Variants in HMCN2 observed in about 807,000 individuals in gnomAD.
HMCN2 encodes hemicentin 2.
In HMCN2, 325 loss-of-function variants were observed where a neutral mutation model predicts 377.5. That is an observed-to-expected ratio of 0.86 (90% CI 0.79 to 0.94). The LOEUF is 0.94. Among genes scored for constraint, HMCN2 ranks in the 40% least tolerant of loss-of-function variants. The pLI is 0.00. For synonymous variants in HMCN2, 2,007 were observed against 2,046.8 expected (o/e 0.98, Z 0.53); for missense variants, 4,543 against 4,725.3 (o/e 0.96, Z 1.13).
At position 130,393,373 on chromosome 9, in the gene HMCN2, G is replaced by T; in HGVS notation, c.10234+64G>T. 2 of 957,328 alleles carry T rather than the reference G, an allele frequency of 2.1e-6. No individual in the cohort carries two copies. The highest frequency in any genetic ancestry group is 9.5e-5 in the South Asian group (2 of 21,110). 59.3% of individuals were successfully genotyped at this position (957,328 alleles called of 1,614,324 possible). A position where few individuals can be genotyped will look rare whatever the true frequency, so the allele number is the denominator to read the frequency against. On this transcript the variant is annotated intron_variant, in intron 67 of 97. Coordinates refer to ENST00000683500, the MANE Select transcript of HMCN2 (RefSeq NM_001291815.2). This position sits in a 1 kb window ranked among gnomAD's most constrained non-coding sequence, Gnocchi z 5.2. ...TGGTGGGTGAGAATCAAGGCCCTTG[G>T]CCCCCCTGCCCTTCTGGGTGGAACC...
chr9:130,300,601 A>C (rs1222604622), intron 8 of HMCN2, among the ~76,000 whole-genome samples: 4 of 152,184 alleles, frequency 2.6e-5, no homozygotes, highest in Non-Finnish European at 5.9e-5. Flanking sequence ...TGCACACAAC[A>C]AGACAGCATT....
chr9:130,330,968 A>AACACACACACAC (rs1173053980), intron 22 of HMCN2, among the ~76,000 whole-genome samples: 4,581 of 131,404 alleles, frequency 0.035, 113 homozygotes, highest in Middle Eastern at 0.049. Context: ...TCTCTACTGA[A>AACACACACACAC]ACACACACAC....
intron 15 of HMCN2, among the ~76,000 whole-genome samples, chr9:130,312,157 G>A (rs1344465904): frequency 6.6e-6 from 1 of 152,180 alleles, no homozygotes; most frequent in Non-Finnish European, 1.5e-5. Context: ...GCGAGTGGCA[G>A]AGGTGGGATC....
rs1840158300 is a variant in HMCN2, at chr9:130,358,289, C to T, written c.5581-101C>T. On this transcript the variant is annotated intron_variant, in intron 35 of 97. Transcript: ENST00000683500. ...CAGAGCCAAAAGTGTCCCCATGCCT[C>T]ACTGCTCCTGCCCCCGGGCTCGGCA... is the stretch of plus-strand genomic sequence containing the variant. 42 of 1,275,592 alleles carry T rather than the reference C, an allele frequency of 3.3e-5. No individual in the cohort carries two copies. In the South Asian group the frequency reaches 5.0e-4, roughly 15 times the overall value. The allele number at this position is 1,275,592 out of a possible 1,614,324, so 79.0% of individuals were successfully genotyped here.
chr9:130,365,267 C>G (rs955972801), intron 41 of HMCN2, among the ~76,000 whole-genome samples: 10 of 152,274 alleles, frequency 6.6e-5, no homozygotes, highest in African/African-American at 1.9e-4. Context: ...ACCCCACCAG[C>G]CTCATTCCTC....
intron 1 of HMCN2, among the ~76,000 whole-genome samples, chr9:130,282,953 C>T (rs922532872): frequency 2.0e-5 from 3 of 152,132 alleles, no homozygotes; most frequent in Non-Finnish European, 4.4e-5. Context: ...TGACTGTGGT[C>T]CCAGCTACTC....
intron 4 of HMCN2, among the ~76,000 whole-genome samples, chr9:130,293,303 G>GTTTTTTTT (rs1588186458): frequency 3.2e-4 from 25 of 77,258 alleles, no homozygotes; most frequent in Admixed American, 1.0e-3. Context: ...TTTTTTTTGC[G>GTTTTTTTT]GTTCTTGTTG....
At chr9:130,385,795 G>C (rs1163462938) in intron 60 of HMCN2, 33 bp downstream of exon 60, 1 of 1,288,726 alleles carries the variant, frequency 7.8e-7, no homozygotes, top group Non-Finnish European at 1.0e-6. Context: ...GCAGCCATGA[G>C]CGCTGCAGGA....
chr9:130,329,394 T>C (rs1410256302), intron 22 of HMCN2, among the ~76,000 whole-genome samples: 6 of 151,826 alleles, frequency 4.0e-5, no homozygotes, highest in African/African-American at 1.4e-4. Flanking sequence ...TCAGTTGATG[T>C]GCACTGGGGC....
chr9:130,422,552 CTG>C lies in HMCN2; in HGVS notation c.13232-23_13232-22del. 1 of 1,312,388 alleles carries C rather than the reference CTG, an allele frequency of 7.6e-7. No homozygotes were observed. The highest frequency in any genetic ancestry group is 9.8e-7 in the Non-Finnish European group (1 of 1,023,776). The allele number at this position is 1,312,388 out of a possible 1,614,324, so 81.3% of individuals were successfully genotyped here. On this transcript the variant is annotated intron_variant, in intron 86 of 97. Transcript: ENST00000683500. The surrounding 1 kb of genome is among the most constrained non-coding windows in gnomAD (Gnocchi z 4.2). ...GCCCCGGGGTGGATAGTCAGTGGCACTGTCATTCTTTCCCTTCCTTACAGGGG... is the reference window on the plus strand; with the variant it reads ...GCCCCGGGGTGGATAGTCAGTGGCACTCATTCTTTCCCTTCCTTACAGGGG...
intron 97 of HMCN2, chr9:130,433,133 G>A: frequency 2.1e-6 from 1 of 485,256 alleles, no homozygotes; most frequent in Non-Finnish European, 3.6e-6. Context: ...CCATGAAAGG[G>A]CAGGCCTCTG....
intron 26 of HMCN2, chr9:130,348,143 G>T (rs958096446): frequency 1.5e-6 from 1 of 651,736 alleles, no homozygotes; most frequent in East Asian, 1.4e-4. Flanking sequence ...AGGACCAGCT[G>T]CTCTGGCTAG....
At chr9:130,285,995 A>C (rs911265964) in intron 3 of HMCN2, among the ~76,000 whole-genome samples, 193 bp from the exon 4 acceptor site, 2 of 152,156 alleles carry the variant, frequency 1.3e-5, no homozygotes, top group Non-Finnish European at 2.9e-5. Context: ...TTTGTCCTGC[A>C]TCAGCTCCTG....
In HMCN2 at chr9:130,360,406, G is replaced by T. The variant is rs765857106; in HGVS notation, c.5774-22G>T. 4.1e-6 allele frequency: 5 copies of T among 1,234,192 alleles called. No homozygotes were observed. In the South Asian group the frequency reaches 6.8e-5, roughly 17 times the overall value. The allele number at this position is 1,234,192 out of a possible 1,614,324, so 76.5% of individuals were successfully genotyped here. Reference sequence around the variant, plus strand: ...TTGCTTCTCTCTTCCTTTCCCCCTTGCATCTCTCTTCCTTTCCCCAGATGT... The same window carrying T: ...TTGCTTCTCTCTTCCTTTCCCCCTTTCATCTCTCTTCCTTTCCCCAGATGT... On this transcript the variant is annotated intron_variant, in intron 37 of 97. Coordinates refer to ENST00000683500, the MANE Select transcript of HMCN2 (RefSeq NM_001291815.2). This position sits in a 1 kb window ranked among gnomAD's most constrained non-coding sequence, Gnocchi z 4.7.
intron 66 of HMCN2, among the ~76,000 whole-genome samples, chr9:130,392,643 C>A (rs985515585): frequency 1.3e-5 from 2 of 152,088 alleles, no homozygotes; most frequent in African/African-American, 4.8e-5. Flanking sequence ...TTGGTTGGAG[C>A]AGGCAGCAGG....
Position 130,299,172 on chromosome 9 carries a change from G to T in HMCN2, c.1160G>T (p.Gly387Val), listed in dbSNP as rs1836333655. ...LSNGSTHQLW[G>V]GPPFHTPKER... ...AATGGCTCCACCCATCAGCTGTGGG[G>T]CGGGCCGCCCTTCCACACCCCCAAG... The change falls in exon 8 of 98, where the codon GGC (glycine) becomes GTC (valine). Residue 387 changes from glycine to valine, a missense_variant. Transcript: ENST00000683500. 2.1e-6 allele frequency: 1 copy of T among 471,128 alleles called. No homozygotes were observed. Among genetic ancestry groups the T allele is most frequent in the South Asian group, 1.5e-5 (1 of 64,568 alleles). The allele number at this position is 471,128 out of a possible 1,614,324, so 29.2% of individuals were successfully genotyped here. A position where few individuals can be genotyped will look rare whatever the true frequency, so the allele number is the denominator to read the frequency against.
chr9:130,352,299 T>C (rs576982906), intron 30 of HMCN2, among the ~76,000 whole-genome samples: 2 of 152,260 alleles, frequency 1.3e-5, no homozygotes, highest in Admixed American at 6.5e-5. Flanking sequence ...ACACACCCCA[T>C]AGAGCAATGT....
Position 130,295,683 on chromosome 9 carries a change from G to A in HMCN2, c.802G>A (p.Asp268Asn), listed in dbSNP as rs1179110042. Residue 268 changes from aspartate (D) to asparagine (N), a missense_variant, in exon 6 of 98, where the codon GAC becomes AAC. By Grantham distance (23) the Asp-to-Asn change is conservative. Coordinates refer to ENST00000683500, the MANE Select transcript of HMCN2 (RefSeq NM_001291815.2). ...QDPLGRILQE[D>N]EGLNVLLNIP... ...TTCCACAGGGAGGATCCTGCAGGAG[G>A]ACGAGGGCCTCAACGTGCTTCTCAA... is the stretch of plus-strand genomic sequence containing the variant. The A allele has an allele frequency of 4.2e-6, 2 of 470,894 alleles. No homozygotes were observed. Among genetic ancestry groups the A allele is most frequent in the Non-Finnish European group, 8.8e-6 (2 of 227,018 alleles). The allele number at this position is 470,894 out of a possible 1,614,324, so 29.2% of individuals were successfully genotyped here. A position where few individuals can be genotyped will look rare whatever the true frequency, so the allele number is the denominator to read the frequency against.
Position 130,428,872 on chromosome 9 carries a change from C to T in HMCN2, c.14197+383C>T, listed in dbSNP as rs886599425. Among the ~76,000 whole-genome samples the T allele has an allele frequency of 3.9e-5, 6 of 152,214 alleles. No individual in the cohort carries two copies. The highest frequency in any genetic ancestry group is 8.8e-5 in the Non-Finnish European group (6 of 68,038). On this transcript the variant is annotated intron_variant, in intron 93 of 97. Transcript: ENST00000683500. The surrounding 1 kb of genome is among the most constrained non-coding windows in gnomAD (Gnocchi z 5.0). Reference sequence around the variant, plus strand: ...CTGAATCCTTCTTGACGCAGCAGCCCCTGCAGCCACAGTGGAACAGGTTCA... The same window carrying T: ...CTGAATCCTTCTTGACGCAGCAGCCTCTGCAGCCACAGTGGAACAGGTTCA...
Sources: gnomAD v4.1 joint callset for allele counts (sites outside exome capture counted in the v4.1 genomes callset) on GRCh38, gnomAD v4.1.1 for gene constraint, Gnocchi (gnomAD v3.1) non-coding constraint, MANE v1.5 for transcripts, NCBI Gene and HGNC (gene_info 2026-07-23, HGNC 2026-07-21) for gene names.